The following BMP3 variants were observed in gnomAD, a reference collection of about 807,000 sequenced individuals.
BMP3 encodes the protein bone morphogenetic protein 3.
A neutral mutation model predicts 38.1 loss-of-function variants in BMP3; 23 were observed. The observed-to-expected ratio is 0.60, with a 90% CI of 0.43 to 0.86. The LOEUF is 0.86. BMP3 is among the 40% of genes least tolerant of loss of function. The pLI is 0.00. For synonymous variants in BMP3, 258 were observed against 225.7 expected, an observed-to-expected ratio of 1.14 and a Z score of -1.28; for missense variants, 628 against 579.6, an observed-to-expected ratio of 1.08 and a Z score of -0.86.
At position 81,057,198 on chromosome 4, in the gene BMP3, G is replaced by A. The variant is rs1040331628; in HGVS notation, c.*3662G>A. On this transcript the variant is annotated 3_prime_UTR_variant, in exon 3 of 3. Coordinates refer to ENST00000282701, the MANE Select transcript of BMP3 (RefSeq NM_001201.5). ...ATGTTTAATACTTGTACAGTCAATGGCAATTTTAAATATATATATATATAT... is the reference window on the plus strand; with the variant it reads ...ATGTTTAATACTTGTACAGTCAATGACAATTTTAAATATATATATATATAT... The A allele has an allele frequency of 2.0e-4, 13 of 66,562 alleles. No homozygotes were observed. The highest frequency in any genetic ancestry group is 7.5e-4 in the African/African-American group (13 of 17,322). 4.1% of individuals were successfully genotyped at this position (66,562 alleles called of 1,614,324 possible).
Position 81,045,970 on chromosome 4 carries a change from G to T in BMP3, c.549G>T (p.Leu183=). The T allele has an allele frequency of 1.9e-6, 3 of 1,614,060 alleles. No homozygotes were observed. Among genetic ancestry groups the T allele is most frequent in the Non-Finnish European group, 1.7e-6 (2 of 1,180,012 alleles). ...SRNQSQLLGH[L]SVDMAKSHRD... is the part of the protein sequence containing the mutation. ...ACCAAAGTCAACTCCTTGGCCATCT[G>T]TCAGTGGATATGGCCAAATCTCATC... Residue 183 remains leucine (L), a synonymous_variant, in exon 2 of 3, where the codon CTG becomes CTT. Coordinates refer to ENST00000282701, the MANE Select transcript of BMP3 (RefSeq NM_001201.5).
chr4:81,046,698 A>G (rs1258064291), intron 2 of BMP3, 50 bp downstream of exon 2: 3 of 1,537,436 alleles, frequency 2.0e-6, no homozygotes, highest in Non-Finnish European at 2.6e-6. Flanking sequence ...CATTAGTAGA[A>G]AGACACATTG....
intron 2 of BMP3, 90 bp downstream of exon 2, chr4:81,046,738 T>G: frequency 7.0e-7 from 1 of 1,431,600 alleles, no homozygotes; most frequent in East Asian, 2.3e-5. Flanking sequence ...AGGGGGTTTG[T>G]GTAAGTGTTT....
At position 81,031,229 on chromosome 4, in the gene BMP3, C is replaced by A; in HGVS notation, c.-56C>A. 6.7e-7 allele frequency: 1 copy of A among 1,494,792 alleles called. No homozygotes were observed. Among genetic ancestry groups the A allele is most frequent in the South Asian group, 1.4e-5 (1 of 74,024 alleles). 92.6% of individuals were successfully genotyped at this position (1,494,792 alleles called of 1,614,324 possible). ...CGGCTCCGCCGCCGGCTCCTTGCGC[C>A]TTCGGAGTGTCCCGCAGCGACGCCG... On this transcript the variant is annotated 5_prime_UTR_variant, in exon 1 of 3. Transcript: ENST00000282701.
intron 1 of BMP3, among the ~76,000 whole-genome samples, chr4:81,043,125 A>C (rs992952325): frequency 6.6e-6 from 1 of 152,220 alleles, no homozygotes; most frequent in African/African-American, 2.4e-5. Flanking sequence ...TTTTACTGAA[A>C]CATGTTTTTG....
chr4:81,031,588 G>T lies in BMP3; in HGVS notation c.304G>T (p.Ala102Ser), dbSNP rs192272611. The change falls in exon 1 of 3, where the codon GCG becomes TCG. Residue 102 changes from alanine (A) to serine (S), a missense_variant. Transcript: ENST00000282701. ...REGNTVRSFR[A>S]AAAETLERKG... Reference sequence around the variant, plus strand: ...AGGCAACACGGTTCGCAGCTTTCGGGCGGCAGCAGCAGGTGAGTGCGCGAG... The same window carrying T: ...AGGCAACACGGTTCGCAGCTTTCGGTCGGCAGCAGCAGGTGAGTGCGCGAG... 39 of 1,598,662 alleles carry T rather than the reference G, an allele frequency of 2.4e-5. No homozygotes were observed. The South Asian group carries it at 4.3e-4, about 18-fold the overall frequency.
In BMP3 at chr4:81,043,424, A is replaced by C. The variant is rs114024583; in HGVS notation, c.317-2314A>C. 6.1e-3 allele frequency among the ~76,000 whole-genome samples: 926 copies of C among 152,110 alleles called. 4 individuals carry two copies. Among genetic ancestry groups the C allele is most frequent in the Non-Finnish European group, 0.01 (691 of 67,978 alleles). On this transcript the variant is annotated intron_variant, in intron 1 of 2. Transcript: ENST00000282701. ...TTTTGTTGCACTATATAGAAAGTTAACTCTTAAATTTATGGAATGTCATAA... is the reference window on the plus strand; with the variant it reads ...TTTTGTTGCACTATATAGAAAGTTACCTCTTAAATTTATGGAATGTCATAA...
intron 1 of BMP3, among the ~76,000 whole-genome samples, chr4:81,039,453 T>TC (rs1359261018): frequency 6.6e-6 from 1 of 152,136 alleles, no homozygotes; most frequent in Non-Finnish European, 1.5e-5. Context: ...AAGGTGAACT[T>TC]CCCCTTACCA....
intron 1 of BMP3, among the ~76,000 whole-genome samples, chr4:81,033,415 A>G (rs1338704434): frequency 6.6e-6 from 1 of 152,220 alleles, no homozygotes; most frequent in Non-Finnish European, 1.5e-5. Flanking sequence ...CTGTAGTCTC[A>G]TAGCATCAAA....
rs1560509082 is a variant in BMP3, at chr4:81,031,558, C to A, written c.274C>A (p.Arg92Ser). ...GCAGCCCTGGCGCCCTCGGCTCCTG[C>A]GCGAAGGCAACACGGTTCGCAGCTT... Reference protein sequence around the residue: ...GSQPWRPRLLREGNTVRSFRA... With the variant: ...GSQPWRPRLLSEGNTVRSFRA... The change falls in exon 1 of 3, where the codon CGC (arginine) becomes AGC (serine). Residue 92 changes from arginine (R) to serine (S), a missense_variant. Arg to Ser is a moderately radical substitution (Grantham distance 110). Coordinates refer to ENST00000282701, the MANE Select transcript of BMP3 (RefSeq NM_001201.5). 2 of 1,609,804 alleles carry A rather than the reference C, an allele frequency of 1.2e-6. No individual in the cohort carries two copies. The highest frequency in any genetic ancestry group is 1.3e-5 in the African/African-American group (1 of 74,886).
chr4:81,044,540 A>G (rs1042844832), intron 1 of BMP3, among the ~76,000 whole-genome samples: 3 of 152,360 alleles, frequency 2.0e-5, no homozygotes, highest in Admixed American at 6.5e-5. Context: ...ATACCCTCAC[A>G]ATGTTGTGCT....
At chr4:81,036,063 G>C (rs1739915155) in intron 1 of BMP3, among the ~76,000 whole-genome samples, 1 of 151,912 alleles carries the variant, frequency 6.6e-6, no homozygotes, top group South Asian at 2.1e-4. Context: ...AAACGTCTCT[G>C]AATGTAATTT....
At position 81,046,615 on chromosome 4, in the gene BMP3, T is replaced by A; in HGVS notation, c.1194T>A (p.Tyr398Ter). The A allele has an allele frequency of 6.2e-7, 1 of 1,613,840 alleles. No individual in the cohort carries two copies. Among genetic ancestry groups the A allele is most frequent in the South Asian group, 1.1e-5 (1 of 91,038 alleles). Residue 398 changes from tyrosine (Y) to a stop codon, truncating the protein, a stop_gained, in exon 2 of 3, where the codon TAT becomes TAA. Transcript: ENST00000282701. LOFTEE classifies it high-confidence loss of function. ...IISPKSFDAY[Y>*]CSGACQFPMP... ...CCCCCAAGTCCTTTGATGCCTATTA[T>A]TGCTCTGGAGCATGCCAGTTCCCCA...
chr4:81,038,206 G>C (rs1179825787), intron 1 of BMP3, among the ~76,000 whole-genome samples: 3 of 151,966 alleles, frequency 2.0e-5, no homozygotes, highest in Non-Finnish European at 1.5e-5. Context: ...GTATATTACT[G>C]CCTTTATGAT....
chr4:81,045,925 G>T lies in BMP3; in HGVS notation c.504G>T (p.Trp168Cys). ...RKHIQIDLSA[W>C]TLKFSRNQSQ... is the part of the protein sequence containing the mutation. Reference sequence around the variant, plus strand: ...ACATTCAGATTGATCTTTCTGCATGGACCCTCAAATTCAGCAGAAACCAAA... The same window carrying T: ...ACATTCAGATTGATCTTTCTGCATGTACCCTCAAATTCAGCAGAAACCAAA... The change falls in exon 2 of 3, where the codon TGG becomes TGT. Residue 168 changes from tryptophan to cysteine, a missense_variant. Physicochemically the swap from Trp to Cys is radical, Grantham distance 215. Coordinates refer to ENST00000282701, the MANE Select transcript of BMP3 (RefSeq NM_001201.5). 6.2e-7 allele frequency: 1 copy of T among 1,614,000 alleles called. No homozygotes were observed. Among genetic ancestry groups the T allele is most frequent in the Non-Finnish European group, 8.5e-7 (1 of 1,179,996 alleles).
In BMP3 at chr4:81,046,448, C is replaced by T; in HGVS notation, c.1027C>T (p.His343Tyr). The T allele has an allele frequency of 6.2e-7, 1 of 1,613,992 alleles. No homozygotes were observed. Among genetic ancestry groups the T allele is most frequent in the Non-Finnish European group, 8.5e-7 (1 of 1,179,980 alleles). ...TAAAAAGAAACAGAGAAAGGGGCCTCATCGGAAGAGCCAGACGCTCCAATT... is the reference window on the plus strand; with the variant it reads ...TAAAAAGAAACAGAGAAAGGGGCCTTATCGGAAGAGCCAGACGCTCCAATT... ...KNKKKQRKGP[H>Y]RKSQTLQFDE... Residue 343 changes from histidine (H) to tyrosine (Y), a missense_variant, in exon 2 of 3, where the codon CAT (histidine) becomes TAT (tyrosine). Coordinates refer to ENST00000282701, the MANE Select transcript of BMP3 (RefSeq NM_001201.5).
At chr4:81,052,023 C>T (rs1740410261) in intron 2 of BMP3, among the ~76,000 whole-genome samples, 1 of 150,894 alleles carries the variant, frequency 6.6e-6, no homozygotes, top group Admixed American at 6.6e-5. Context: ...TAAGAGTATG[C>T]CTGCTTTCTA....
chr4:81,046,612 T>C lies in BMP3; in HGVS notation c.1191T>C (p.Tyr397=), dbSNP rs755009698. The C allele has an allele frequency of 6.2e-6, 10 of 1,613,938 alleles. No individual in the cohort carries two copies. In the South Asian group the frequency reaches 6.6e-5, roughly 11 times the overall value. ...WIISPKSFDA[Y]YCSGACQFPM... ...TCTCCCCCAAGTCCTTTGATGCCTA[T>C]TATTGCTCTGGAGCATGCCAGTTCC... The change falls in exon 2 of 3, where the codon TAT becomes TAC. Residue 397 remains tyrosine, a synonymous_variant. Transcript: ENST00000282701.
In BMP3 at chr4:81,045,733, C is replaced by A. The variant is rs1398510088; in HGVS notation, c.317-5C>A. Reference sequence around the variant, plus strand: ...CTGTTTACTCTCTTTCTTTTTCCTTCCTAGAAACTCTTGAAAGAAAAGGAC... The same window carrying A: ...CTGTTTACTCTCTTTCTTTTTCCTTACTAGAAACTCTTGAAAGAAAAGGAC... On this transcript the variant is annotated splice_region_variant and splice_polypyrimidine_tract_variant and intron_variant, in intron 1 of 2. Transcript: ENST00000282701. 6.4e-7 allele frequency: 1 copy of A among 1,567,000 alleles called. No individual in the cohort carries two copies. Among genetic ancestry groups the A allele is most frequent in the South Asian group, 1.2e-5 (1 of 82,102 alleles).
Sources: gnomAD v4.1 joint callset for allele counts (sites outside exome capture counted in the v4.1 genomes callset) on GRCh38, gnomAD v4.1.1 for gene constraint, MANE v1.5 for transcripts, NCBI Gene and HGNC (gene_info 2026-07-23, HGNC 2026-07-21) for gene names.